The following TASP1 variants were observed in gnomAD, a reference collection of about 807,000 sequenced individuals.
TASP1 encodes taspase 1.
In TASP1, 16 loss-of-function variants were observed where a neutral mutation model predicts 56.6. The observed-to-expected ratio is 0.28, with a 90% CI of 0.19 to 0.43. The LOEUF (loss-of-function observed/expected upper bound fraction) is 0.43, where lower values mean the gene tolerates loss of function less well. Ranked by LOEUF, TASP1 falls within the 20% of genes least tolerant of loss-of-function variation. The pLI, the probability that TASP1 is intolerant of heterozygous loss-of-function variation, is 1.00. For synonymous variants in TASP1, 179 were observed against 184.2 expected (o/e 0.97, Z 0.23); for missense variants, 393 against 511.6 (o/e 0.77, Z 2.24).
the TASP1 span, among the ~76,000 whole-genome samples, chr20:13,125,740 A>G: frequency 6.6e-6 from 1 of 152,218 alleles, no homozygotes; most frequent in African/African-American, 2.4e-5. Context: ...GCAGCTGGAG[A>G]GAGTTCTGAG....
the TASP1 span, among the ~76,000 whole-genome samples, chr20:13,275,246 A>C: frequency 6.6e-6 from 1 of 152,350 alleles, no homozygotes; most frequent in Non-Finnish European, 1.5e-5. Context: ...TTGCACAGAC[A>C]TATTAACATG....
chr20:13,433,198 C>T (rs1211492869), intron 12 of TASP1, among the ~76,000 whole-genome samples: 1 of 152,088 alleles, frequency 6.6e-6, no homozygotes, highest in Non-Finnish European at 1.5e-5. Flanking sequence ...CACTGTTAAA[C>T]TCCCAGTTAT....
the TASP1 span, among the ~76,000 whole-genome samples, chr20:13,179,039 A>G: frequency 2.0e-5 from 3 of 152,140 alleles, no homozygotes; most frequent in African/African-American, 7.2e-5. Flanking sequence ...CCCCATGAAT[A>G]TGTACAATTA....
chr20:13,221,566 C>T, the TASP1 span, among the ~76,000 whole-genome samples: 1 of 143,044 alleles, frequency 7.0e-6, no homozygotes, highest in Admixed American at 6.9e-5. Context: ...GCGGCGGCGG[C>T]GGCGGCGGCG....
At chr20:13,396,275 TG>T (rs1487329012) in intron 13 of TASP1, among the ~76,000 whole-genome samples, 1 of 152,244 alleles carries the variant, frequency 6.6e-6, no homozygotes, top group Non-Finnish European at 1.5e-5. Context: ...AAGCATTCTT[TG>T]TGTGCAGCAT....
the TASP1 span, among the ~76,000 whole-genome samples, chr20:13,296,571 C>T: frequency 9.4e-4 from 143 of 152,120 alleles, no homozygotes; most frequent in Admixed American, 1.6e-3. Context: ...GAAAGAGTGG[C>T]ATGATCAGAT....
At chr20:13,499,956 T>C (rs1601015320) in intron 10 of TASP1, among the ~76,000 whole-genome samples, 1 of 151,744 alleles carries the variant, frequency 6.6e-6, no homozygotes, top group Non-Finnish European at 1.5e-5. Context: ...CAGAAGGAAA[T>C]AATAGACACT....
chr20:13,637,549 C>G (rs377220438), intron 1 of TASP1, among the ~76,000 whole-genome samples: 1 of 152,170 alleles, frequency 6.6e-6, no homozygotes. Flanking sequence ...TGGAACATTA[C>G]CCATCCATAA....
chr20:13,113,715 G>C, the TASP1 span, among the ~76,000 whole-genome samples: 1 of 152,192 alleles, frequency 6.6e-6, no homozygotes, highest in African/African-American at 2.4e-5. Flanking sequence ...ATATAAGCTA[G>C]TGTTGGCAGA....
the TASP1 span, among the ~76,000 whole-genome samples, chr20:13,343,261 C>T: frequency 6.6e-6 from 1 of 152,186 alleles, no homozygotes; most frequent in African/African-American, 2.4e-5. Flanking sequence ...GGCCAGAAAC[C>T]TCAGCCAGGC....
At chr20:13,199,090 T>C in the TASP1 span, among the ~76,000 whole-genome samples, 1 of 150,314 alleles carries the variant, frequency 6.7e-6, no homozygotes, top group Non-Finnish European at 1.5e-5. Flanking sequence ...TTTTTTGGAG[T>C]TGGGGTCTTG....
chr20:13,510,006 T>C (rs1216026338), intron 10 of TASP1, among the ~76,000 whole-genome samples: 1 of 152,142 alleles, frequency 6.6e-6, no homozygotes, highest in Non-Finnish European at 1.5e-5. Flanking sequence ...ACCTGGGTGA[T>C]GAAATAATCT....
the TASP1 span, among the ~76,000 whole-genome samples, chr20:13,192,196 GT>G: frequency 6.6e-6 from 1 of 152,154 alleles, no homozygotes; most frequent in Non-Finnish European, 1.5e-5. Context: ...AATGTTAAAA[GT>G]TTTCGAGGCA....
the TASP1 span, among the ~76,000 whole-genome samples, chr20:13,248,808 G>A: frequency 1.3e-5 from 2 of 152,306 alleles, no homozygotes; most frequent in East Asian, 1.9e-4. Context: ...GTGAGCGGGG[G>A]AAGCCAGTGG....
At chr20:13,109,401 G>A in the TASP1 span, among the ~76,000 whole-genome samples, 1 of 152,284 alleles carries the variant, frequency 6.6e-6, no homozygotes, top group East Asian at 1.9e-4. Context: ...ATAGACCTCA[G>A]GCAGTTTACT....
chr20:13,255,796 G>A, the TASP1 span, among the ~76,000 whole-genome samples: 12 of 152,256 alleles, frequency 7.9e-5, no homozygotes, highest in East Asian at 2.1e-3. Context: ...TACATGGCAT[G>A]GTAGACCTAA....
the TASP1 span, among the ~76,000 whole-genome samples, chr20:13,162,559 G>A: frequency 2.0e-5 from 3 of 152,174 alleles, no homozygotes; most frequent in East Asian, 3.9e-4. Flanking sequence ...GAACCTAAAG[G>A]CTCATAGACT....
the TASP1 span, among the ~76,000 whole-genome samples, chr20:13,194,549 G>A: frequency 6.8e-5 from 3 of 44,024 alleles, no homozygotes; most frequent in East Asian, 5.7e-4. Context: ...AGAAATGTGT[G>A]TGTGTGTGTG....
At chr20:13,627,038 G>GC (rs1479370831) in intron 2 of TASP1, among the ~76,000 whole-genome samples, 3 of 151,880 alleles carry the variant, frequency 2.0e-5, no homozygotes, top group Non-Finnish European at 4.4e-5. Context: ...TGTTTTGTTT[G>GC]CACTGTGTTT....
Sources: gnomAD v4.1 joint callset for allele counts (sites outside exome capture counted in the v4.1 genomes callset) on GRCh38, gnomAD v4.1.1 for gene constraint, MANE v1.5 for transcripts, NCBI Gene and HGNC (gene_info 2026-07-23, HGNC 2026-07-21) for gene names.